DNAH12: variants seen among roughly 807,000 people sequenced by gnomAD.
DNAH12 encodes axonemal beta dynein heavy chain 12.
A neutral mutation model predicts 371.5 loss-of-function variants in DNAH12; 285 were observed. That is an observed-to-expected ratio of 0.77 (90% CI 0.70 to 0.85). DNAH12 has a LOEUF of 0.85. DNAH12 is among the 40% of genes least tolerant of loss of function. The pLI, the probability that DNAH12 is intolerant of heterozygous loss-of-function variation, is 0.00. For synonymous variants in DNAH12, 1,200 were observed against 1,213.0 expected, an observed-to-expected ratio of 0.99 and a Z score of 0.22; for missense variants, 3,611 against 3,689.4, an observed-to-expected ratio of 0.98 and a Z score of 0.55.
chr3:57,434,659 T>C (rs2065064274), intron 30 of DNAH12, among the ~76,000 whole-genome samples: 1 of 152,128 alleles, frequency 6.6e-6, no homozygotes, highest in Admixed American at 6.6e-5. Flanking sequence ...ACAAATTAAC[T>C]GGTATCAGAA....
rs2066169105 is a variant in DNAH12, at chr3:57,465,312, A to G, written c.2350-2437T>C. 2.0e-5 allele frequency among the ~76,000 whole-genome samples: 3 copies of G among 152,226 alleles called. No individual in the cohort carries two copies. The South Asian group carries it at 6.2e-4, about 31-fold the overall frequency. ...TCCTACAAACAAAACGTCAGGCTAA[A>G]TGGTTTCATGAGTGAATGTTTCTCT... is the stretch of plus-strand genomic sequence containing the variant. On this transcript the variant is annotated intron_variant, in intron 17 of 73. Transcript: ENST00000495027.
At chr3:57,553,740 T>A in the DNAH12 span, among the ~76,000 whole-genome samples, 2,013 of 152,242 alleles carry the variant, frequency 0.013, 48 homozygotes, top group African/African-American at 0.046. Flanking sequence ...AACAGTTTTA[T>A]GACTTTAAAA....
At chr3:57,316,330 A>G (rs902924676) in intron 65 of DNAH12, among the ~76,000 whole-genome samples, 1 of 152,068 alleles carries the variant, frequency 6.6e-6, no homozygotes, top group Non-Finnish European at 1.5e-5. Flanking sequence ...TTGACCCAAT[A>G]TTCCTTCCCA....
At chr3:57,543,385 C>T (rs531102100) in intron 1 of DNAH12, among the ~76,000 whole-genome samples, 15 of 127,556 alleles carry the variant, frequency 1.2e-4, no homozygotes, top group Non-Finnish European at 2.0e-4. Context: ...TGCAATGGCG[C>T]GATCTTGGCT....
intron 2 of DNAH12, 23 bp from the exon 3 acceptor site, chr3:57,523,907 T>A (rs1230998361): frequency 6.6e-7 from 1 of 1,508,154 alleles, no homozygotes; most frequent in Non-Finnish European, 9.1e-7. Flanking sequence ...GTTAGAAATA[T>A]GACTCTCTTG....
At chr3:57,438,918 C>CGGAAAAAAAAAAAAAA (rs562343761) in intron 29 of DNAH12, among the ~76,000 whole-genome samples, 4 of 94,496 alleles carry the variant, frequency 4.2e-5, no homozygotes, top group Admixed American at 1.3e-4. Context: ...CTGTCTCAGA[C>CGGAAAAAAAAAAAAAA]AAAAAAAAAA....
chr3:57,379,639 G>A (rs906510670), intron 51 of DNAH12, among the ~76,000 whole-genome samples: 3 of 151,776 alleles, frequency 2.0e-5, no homozygotes, highest in South Asian at 4.1e-4. Flanking sequence ...CCAGGAGTTC[G>A]AGGACAGCCT....
chr3:57,509,118 G>A, intron 6 of DNAH12, 22 bp downstream of exon 6: 1 of 1,594,348 alleles, frequency 6.3e-7, no homozygotes, highest in Non-Finnish European at 8.6e-7. Flanking sequence ...ATGAAGTACT[G>A]TTTTTAAAAT....
intron 47 of DNAH12, 113 bp from the exon 48 acceptor site, chr3:57,385,542 C>G (rs2063482913): frequency 2.0e-5 from 3 of 152,162 alleles, no homozygotes; most frequent in Non-Finnish European, 4.4e-5. Flanking sequence ...AGCAGAAAAT[C>G]TTAACTTTTT....
At chr3:57,504,287 T>C in intron 8 of DNAH12, 83 bp from the exon 9 acceptor site, 1 of 1,221,336 alleles carries the variant, frequency 8.2e-7, no homozygotes. Flanking sequence ...TAATTGTCTA[T>C]ATCTGATTAT....
chr3:57,294,193 T>TG (rs1403630433), intron 73 of DNAH12, among the ~76,000 whole-genome samples: 2 of 142,592 alleles, frequency 1.4e-5, no homozygotes, highest in Non-Finnish European at 3.1e-5. Flanking sequence ...TTTTTTTTTT[T>TG]GGAGACTGAG....
chr3:57,349,506 A>C (rs1553659433), intron 60 of DNAH12, among the ~76,000 whole-genome samples: 1 of 152,198 alleles, frequency 6.6e-6, no homozygotes, highest in African/African-American at 2.4e-5. Flanking sequence ...TGAAAAAGAC[A>C]CCTGTACACA....
At chr3:57,411,337 A>G (rs2064193980) in intron 39 of DNAH12, among the ~76,000 whole-genome samples, 1 of 151,774 alleles carries the variant, frequency 6.6e-6, no homozygotes, top group African/African-American at 2.4e-5. Context: ...AGACCAGCCT[A>G]GCCAACATGG....
At chr3:57,343,587 C>T (rs556743129) in intron 60 of DNAH12, among the ~76,000 whole-genome samples, 94 of 152,304 alleles carry the variant, frequency 6.2e-4, no homozygotes, top group African/African-American at 2.1e-3. Flanking sequence ...TGAAATATGG[C>T]CTTGTGGGAT....
intron 65 of DNAH12, among the ~76,000 whole-genome samples, chr3:57,314,988 T>C (rs1049099677): frequency 1.3e-5 from 2 of 152,222 alleles, no homozygotes; most frequent in East Asian, 1.9e-4. Flanking sequence ...TGCTTGAGAC[T>C]GTAAGTGCAG....
chr3:57,345,100 T>C (rs982698455), intron 60 of DNAH12, among the ~76,000 whole-genome samples: 2 of 152,114 alleles, frequency 1.3e-5, no homozygotes, highest in African/African-American at 4.8e-5. Flanking sequence ...CAGAAAAATG[T>C]TATCAAGGAA....
chr3:57,516,407 C>T (rs1251297129), intron 4 of DNAH12, among the ~76,000 whole-genome samples: 2 of 151,996 alleles, frequency 1.3e-5, no homozygotes, highest in African/African-American at 4.8e-5. Context: ...GTCCCCAGTC[C>T]CTCACTATAT....
intron 13 of DNAH12, among the ~76,000 whole-genome samples, chr3:57,478,433 C>A (rs1349992496): frequency 1.3e-5 from 2 of 151,448 alleles, no homozygotes; most frequent in Non-Finnish European, 3.0e-5. Context: ...GTGAAAAGAC[C>A]ATATCTACGT....
chr3:57,461,871 A>C (rs2153377395), intron 18 of DNAH12, among the ~76,000 whole-genome samples, 182 bp from the exon 19 acceptor site: 1 of 152,298 alleles, frequency 6.6e-6, no homozygotes, highest in African/African-American at 2.4e-5. Flanking sequence ...AAAATTCCTA[A>C]GAAGAACGAT....
Sources: allele counts gnomAD v4.1 joint callset (sites outside exome capture counted in the v4.1 genomes callset), GRCh38; gene constraint gnomAD v4.1.1; transcripts MANE v1.5; gene names NCBI Gene and HGNC (gene_info 2026-07-23, HGNC 2026-07-21).